The following SYK variants were observed in gnomAD, a reference collection of about 807,000 sequenced individuals.
SYK encodes spleen associated tyrosine kinase.
SYK carries 16 observed loss-of-function variants against 77.8 expected under a neutral mutation model. The observed-to-expected ratio is 0.21, with a 90% CI of 0.14 to 0.31. The LOEUF (loss-of-function observed/expected upper bound fraction) is 0.31. Among genes scored for constraint, SYK ranks in the 10% least tolerant of loss-of-function variants. The pLI, the probability that SYK is intolerant of heterozygous loss-of-function variation, is 1.00. For synonymous variants in SYK, 312 were observed against 308.7 expected (o/e 1.01, Z -0.11); for missense variants, 529 against 814.4 (o/e 0.65, Z 4.26).
At chr9:90,865,756 G>T (rs1827460380) in intron 6 of SYK, among the ~76,000 whole-genome samples, 2 of 152,058 alleles carry the variant, frequency 1.3e-5, no homozygotes, top group South Asian at 4.1e-4. Flanking sequence ...CTTCATCCTT[G>T]AGCCGTCTAT....
At chr9:90,859,773 T>C (rs1827180271) in intron 3 of SYK, among the ~76,000 whole-genome samples, 1 of 152,214 alleles carries the variant, frequency 6.6e-6, no homozygotes, top group Non-Finnish European at 1.5e-5. Flanking sequence ...CTTTCTAACT[T>C]CCACCAGTCT....
intron 1 of SYK, among the ~76,000 whole-genome samples, chr9:90,842,727 C>T (rs534582591): frequency 1.8e-4 from 26 of 141,270 alleles, no homozygotes; most frequent in African/African-American, 7.0e-4. Context: ...GTGTGTGTGG[C>T]ATGCATGTAG....
rs934393546 is a variant in SYK, at chr9:90,898,073, G to A, written c.*2473G>A. On this transcript the variant is annotated 3_prime_UTR_variant, in exon 14 of 14. Coordinates refer to ENST00000375754, the MANE Select transcript of SYK (RefSeq NM_003177.7). ...TGTTCTACCCAAGCTTTTCCCTGGG[G>A]TCTGGGCTCACTCCATAAGGTAAGG... 1 of 228,218 alleles carries A rather than the reference G, an allele frequency of 4.4e-6. No homozygotes were observed. 14.1% of individuals were successfully genotyped at this position (228,218 alleles called of 1,614,324 possible).
chr9:90,821,699 C>T (rs533573263), intron 1 of SYK, among the ~76,000 whole-genome samples: 66 of 152,156 alleles, frequency 4.3e-4, no homozygotes, highest in African/African-American at 1.6e-3. Flanking sequence ...TCCAACTCCT[C>T]CTTTCACCTC....
chr9:90,812,988 G>A (rs1320678933), intron 1 of SYK, among the ~76,000 whole-genome samples: 1 of 152,146 alleles, frequency 6.6e-6, no homozygotes, highest in Non-Finnish European at 1.5e-5. Flanking sequence ...AAGAATATGT[G>A]CACTGGTCAG....
chr9:90,828,235 G>GCCCCC (rs60327886), intron 1 of SYK, among the ~76,000 whole-genome samples: 17 of 55,440 alleles, frequency 3.1e-4, no homozygotes, highest in East Asian at 2.8e-3. Flanking sequence ...CCTCACCCCC[G>GCCCCC]CCCCCCCCCC....
intron 13 of SYK, among the ~76,000 whole-genome samples, chr9:90,890,744 T>C (rs1299141022): frequency 1.3e-5 from 2 of 152,242 alleles, no homozygotes; most frequent in Non-Finnish European, 2.9e-5. Context: ...ACAGTGTTTC[T>C]AGTAGTGACC....
chr9:90,871,549 G>A (rs1827727490), intron 7 of SYK, among the ~76,000 whole-genome samples: 1 of 152,094 alleles, frequency 6.6e-6, no homozygotes, highest in South Asian at 2.1e-4. Flanking sequence ...TTTAGAGATT[G>A]TTTTGGTTAT....
In SYK at chr9:90,896,965, C is replaced by T. The variant is rs200404562; in HGVS notation, c.*1365C>T. 1.1e-4 allele frequency: 22 copies of T among 200,502 alleles called. No homozygotes were observed. The highest frequency in any genetic ancestry group is 3.9e-4 in the East Asian group (5 of 12,932). The allele number at this position is 200,502 out of a possible 1,614,324, so 12.4% of individuals were successfully genotyped here. ...TCGCTTGAACCCAGGAAACGGAGGT[C>T]GCAGTGAGCCAAGATCATGCCACTG... On this transcript the variant is annotated 3_prime_UTR_variant, in exon 14 of 14. Coordinates refer to ENST00000375754, the MANE Select transcript of SYK (RefSeq NM_003177.7).
At chr9:90,874,566 T>C (rs1044978253) in intron 8 of SYK, 106 bp from the exon 9 acceptor site, 27 of 1,356,106 alleles carry the variant, frequency 2.0e-5, no homozygotes, top group African/African-American at 7.3e-5. Flanking sequence ...CCTTGCAACA[T>C]TGATGCTACT....
chr9:90,806,082 T>A (rs1824823866), intron 1 of SYK, among the ~76,000 whole-genome samples: 1 of 152,238 alleles, frequency 6.6e-6, no homozygotes, highest in African/African-American at 2.4e-5. Flanking sequence ...GCAAGGTATA[T>A]CATTCCATTT....
intron 1 of SYK, among the ~76,000 whole-genome samples, chr9:90,840,068 G>A (rs948014449): frequency 3.3e-5 from 5 of 152,122 alleles, no homozygotes; most frequent in African/African-American, 1.2e-4. Flanking sequence ...ACAGGGTTAC[G>A]CCAAGCAGTG....
intron 1 of SYK, among the ~76,000 whole-genome samples, chr9:90,831,906 CTG>C (rs776129632): frequency 3.3e-5 from 5 of 152,130 alleles, no homozygotes; most frequent in Non-Finnish European, 7.3e-5. Flanking sequence ...TACTTACTGT[CTG>C]GTGTCTCTAA....
intron 11 of SYK, among the ~76,000 whole-genome samples, chr9:90,884,179 G>GTA (rs1443040586): frequency 6.9e-6 from 1 of 144,176 alleles, no homozygotes; most frequent in Non-Finnish European, 1.5e-5. Flanking sequence ...ACACATACGT[G>GTA]TATATATACA....
At chr9:90,823,288 G>A (rs1825577058) in intron 1 of SYK, among the ~76,000 whole-genome samples, 1 of 152,220 alleles carries the variant, frequency 6.6e-6, no homozygotes, top group South Asian at 2.1e-4. Context: ...GAAAGGAGAA[G>A]TAGACAAATC....
intron 11 of SYK, among the ~76,000 whole-genome samples, chr9:90,883,649 A>G (rs1437570390): frequency 6.6e-6 from 1 of 152,046 alleles, no homozygotes; most frequent in Non-Finnish European, 1.5e-5. Context: ...GCCTGAGCAC[A>G]AGTCCATTGG....
At chr9:90,862,642 TC>T (rs1827322808) in intron 4 of SYK, among the ~76,000 whole-genome samples, 1 of 152,206 alleles carries the variant, frequency 6.6e-6, no homozygotes, top group Non-Finnish European at 1.5e-5. Context: ...TCAGGGCCAC[TC>T]AGCCCTCAGT....
chr9:90,847,851 GCT>G (rs1241595040), intron 3 of SYK, among the ~76,000 whole-genome samples: 1 of 152,188 alleles, frequency 6.6e-6, no homozygotes, highest in Non-Finnish European at 1.5e-5. Flanking sequence ...TCTCTTCAGT[GCT>G]CTTTCTCCAT....
At chr9:90,844,550 A>G (rs933242907) in intron 2 of SYK, among the ~76,000 whole-genome samples, 2 of 152,250 alleles carry the variant, frequency 1.3e-5, no homozygotes, top group African/African-American at 4.8e-5. Context: ...GTTTCTCCAC[A>G]GCAGGGAACC....
Sources: allele counts gnomAD v4.1 joint callset (sites outside exome capture counted in the v4.1 genomes callset), GRCh38; gene constraint gnomAD v4.1.1; transcripts MANE v1.5; gene names NCBI Gene and HGNC (gene_info 2026-07-23, HGNC 2026-07-21).